DNM3: variants seen among roughly 807,000 people sequenced by gnomAD.
DNM3 encodes the protein dynamin-3.
In DNM3, 47 loss-of-function variants were observed where a neutral mutation model predicts 101.6. The observed-to-expected ratio is 0.46, with a 90% CI of 0.37 to 0.59. The LOEUF (loss-of-function observed/expected upper bound fraction) is 0.59, where lower values mean the gene tolerates loss of function less well. DNM3 is among the 20% of genes least tolerant of loss of function. DNM3 has a pLI of 0.00. For synonymous variants in DNM3, 385 were observed against 387.9 expected, an observed-to-expected ratio of 0.99 and a Z score of 0.09; for missense variants, 849 against 1,085.7, an observed-to-expected ratio of 0.78 and a Z score of 3.06.
chr1:172,167,706 A>AT (rs896613467), intron 14 of DNM3, among the ~76,000 whole-genome samples: 12 of 151,952 alleles, frequency 7.9e-5, no homozygotes, highest in East Asian at 3.9e-4. Context: ...AGGAAATCTC[A>AT]TTTTTTTTCC....
intron 14 of DNM3, among the ~76,000 whole-genome samples, chr1:172,205,587 C>G (rs2060295768): frequency 6.6e-6 from 1 of 151,878 alleles, no homozygotes. Context: ...CAAAACAAAA[C>G]AAAATTAGAA....
intron 1 of DNM3, among the ~76,000 whole-genome samples, chr1:171,916,683 C>T (rs1252284007): frequency 1.3e-5 from 2 of 152,164 alleles, no homozygotes; most frequent in Non-Finnish European, 2.9e-5. Flanking sequence ...TCTTCTTCAA[C>T]GTTTTCTATA....
intron 1 of DNM3, among the ~76,000 whole-genome samples, chr1:171,872,411 G>A (rs965492807): frequency 5.3e-5 from 8 of 151,984 alleles, no homozygotes; most frequent in Admixed American, 2.6e-4. Flanking sequence ...AAGAGTTTAT[G>A]AGGATAGAAA....
intron 2 of DNM3, among the ~76,000 whole-genome samples, chr1:171,929,158 C>A (rs2040809749): frequency 6.6e-6 from 1 of 152,010 alleles, no homozygotes; most frequent in South Asian, 2.1e-4. Context: ...CTGGTTGCCT[C>A]AGACACTCCA....
chr1:172,323,295 T>C (rs780119911), intron 16 of DNM3, 34 bp from the exon 17 acceptor site: 3 of 1,574,484 alleles, frequency 1.9e-6, no homozygotes, highest in South Asian at 2.4e-5. Flanking sequence ...GTTTAACATA[T>C]TTCTCTTTCT....
intron 14 of DNM3, chr1:172,138,484 A>T (rs2057384636): frequency 6.6e-6 from 1 of 152,034 alleles, no homozygotes; most frequent in Non-Finnish European, 1.5e-5. Flanking sequence ...TTGAGTTTTT[A>T]TATCAATATA....
chr1:171,955,055 T>C (rs1477922134), intron 2 of DNM3, among the ~76,000 whole-genome samples: 1 of 152,204 alleles, frequency 6.6e-6, no homozygotes, highest in East Asian at 1.9e-4. Flanking sequence ...TTGAAGTACT[T>C]CTGTGGGCAG....
chr1:172,219,052 C>T (rs1286355485), intron 14 of DNM3, among the ~76,000 whole-genome samples: 2 of 151,748 alleles, frequency 1.3e-5, no homozygotes, highest in Non-Finnish European at 2.9e-5. Context: ...TATCTGGAAG[C>T]GTGAAAATTG....
At chr1:172,018,616 G>A (rs1169323986) in intron 4 of DNM3, among the ~76,000 whole-genome samples, 5 of 152,128 alleles carry the variant, frequency 3.3e-5, no homozygotes, top group East Asian at 3.9e-4. Flanking sequence ...AGTAGTGCAA[G>A]TACCTGATAA....
At position 171,876,992 on chromosome 1, in the gene DNM3, G is replaced by C. The variant is rs79258904; in HGVS notation, c.161+35175G>C. On this transcript the variant is annotated intron_variant, in intron 1 of 20. Transcript: ENST00000627582. ...GTGAAATACTTGTGTTCTATTTTAT[G>C]GTTATGGAAAGTAAGATTTTTTTCA... is the stretch of plus-strand genomic sequence containing the variant. Among the ~76,000 whole-genome samples, 53 of 152,216 alleles carry C rather than the reference G, an allele frequency of 3.5e-4. No homozygotes were observed. The East Asian group carries it at 9.4e-3, about 27-fold the overall frequency.
At chr1:171,882,507 C>G (rs1427120490) in intron 1 of DNM3, among the ~76,000 whole-genome samples, 1 of 151,692 alleles carries the variant, frequency 6.6e-6, no homozygotes, top group Non-Finnish European at 1.5e-5. Flanking sequence ...CCCCTTTACT[C>G]CTAAACATTT....
At chr1:172,317,422 A>G (rs192540237) in intron 16 of DNM3, among the ~76,000 whole-genome samples, 51 of 152,352 alleles carry the variant, frequency 3.3e-4, no homozygotes, top group African/African-American at 1.1e-3. Flanking sequence ...GACAAAAAAA[A>G]TCCTTCAAAA....
intron 13 of DNM3, among the ~76,000 whole-genome samples, chr1:172,098,058 T>C (rs1406975553): frequency 6.6e-6 from 1 of 152,162 alleles, no homozygotes; most frequent in Non-Finnish European, 1.5e-5. Flanking sequence ...TTAAAATTGC[T>C]AATGAAATTT....
At chr1:172,263,278 A>G (rs1305801488) in intron 15 of DNM3, among the ~76,000 whole-genome samples, 3 of 152,226 alleles carry the variant, frequency 2.0e-5, no homozygotes, top group African/African-American at 7.2e-5. Context: ...TCTCTCAACA[A>G]GTATTTATTC....
In DNM3 at chr1:172,102,914, A is replaced by G. The variant is rs923255042; in HGVS notation, c.1545+10039A>G. Among the ~76,000 whole-genome samples the G allele has an allele frequency of 3.9e-5, 6 of 152,322 alleles. No individual in the cohort carries two copies. The South Asian group carries it at 1.2e-3, about 32-fold the overall frequency. On this transcript the variant is annotated intron_variant, in intron 13 of 20. Coordinates refer to ENST00000627582, the MANE Select transcript of DNM3 (RefSeq NM_015569.5). The stretch of plus-strand genomic sequence containing the variant: ...TTTAAAAATGTTAATGTTTCTCACC[A>G]AAGATATTATTTTATTAACCACTGT...
At chr1:172,364,602 T>G (rs1360042298) in intron 17 of DNM3, among the ~76,000 whole-genome samples, 1 of 151,780 alleles carries the variant, frequency 6.6e-6, no homozygotes, top group South Asian at 2.1e-4. Context: ...AAAATAGCCA[T>G]AACAGAAATA....
At chr1:172,312,860 A>G (rs180781732) in intron 16 of DNM3, among the ~76,000 whole-genome samples, 28 of 152,298 alleles carry the variant, frequency 1.8e-4, no homozygotes, top group African/African-American at 6.5e-4. Flanking sequence ...CTATTTTTCC[A>G]TATGGATTTT....
At chr1:172,263,781 T>C (rs1210520491) in intron 15 of DNM3, among the ~76,000 whole-genome samples, 1 of 152,136 alleles carries the variant, frequency 6.6e-6, no homozygotes, top group Non-Finnish European at 1.5e-5. Flanking sequence ...GAGATTTGGG[T>C]GGGGACACAG....
chr1:171,969,784 A>G (rs967050631), intron 2 of DNM3, among the ~76,000 whole-genome samples: 3 of 152,144 alleles, frequency 2.0e-5, no homozygotes, highest in South Asian at 2.1e-4. Flanking sequence ...CTGGGCCCTA[A>G]TAAATATATG....
Sources: allele counts gnomAD v4.1 joint callset (sites outside exome capture counted in the v4.1 genomes callset), GRCh38; gene constraint gnomAD v4.1.1; transcripts MANE v1.5; gene names NCBI Gene and HGNC (gene_info 2026-07-23, HGNC 2026-07-21).